GRIK4: variants seen among roughly 807,000 people sequenced by gnomAD.
GRIK4 encodes glutamate ionotropic receptor kainate type subunit 4.
In GRIK4, 40 loss-of-function variants were observed where a neutral mutation model predicts 104.9. The ratio of observed to expected loss-of-function variants is 0.38; its 90% confidence interval spans 0.30 to 0.50. The LOEUF is 0.50. GRIK4 is among the 20% of genes least tolerant of loss of function. The pLI is 0.93. For synonymous variants in GRIK4, 485 were observed against 524.9 expected (o/e 0.92, Z 1.04); for missense variants, 1,047 against 1,308.1 (o/e 0.80, Z 3.08).
chr11:120,718,470 A>C (rs2852227), intron 3 of GRIK4, among the ~76,000 whole-genome samples: 37,072 of 152,022 alleles, frequency 0.24, 5,637 homozygotes, highest in African/African-American at 0.44. Flanking sequence ...TAGACAAGAG[A>C]TTGGTGTCGC....
chr11:120,578,778 CCTGGTTT>C (rs895779568), intron 1 of GRIK4, among the ~76,000 whole-genome samples: 7 of 152,224 alleles, frequency 4.6e-5, no homozygotes, highest in African/African-American at 1.7e-4. Context: ...CCGCCCGGCC[CCTGGTTT>C]CTGGTAACAC....
intron 3 of GRIK4, among the ~76,000 whole-genome samples, chr11:120,722,834 A>G (rs1171925798): frequency 1.3e-5 from 2 of 152,162 alleles, no homozygotes; most frequent in East Asian, 1.9e-4. Flanking sequence ...TGTTCTTTCT[A>G]TAAAGAAGTG....
intron 1 of GRIK4, among the ~76,000 whole-genome samples, chr11:120,612,608 G>C (rs549399624): frequency 1.3e-5 from 2 of 152,300 alleles, no homozygotes; most frequent in East Asian, 3.9e-4. Flanking sequence ...GATTCCCCAT[G>C]ACAGGTGGAA....
intron 3 of GRIK4, among the ~76,000 whole-genome samples, chr11:120,722,679 C>A (rs1950955743): frequency 6.6e-6 from 1 of 152,114 alleles, no homozygotes; most frequent in South Asian, 2.1e-4. Context: ...AAGGCTGACT[C>A]CCGACTTGGG....
intron 3 of GRIK4, among the ~76,000 whole-genome samples, chr11:120,709,641 C>T (rs1950690798): frequency 6.6e-6 from 1 of 152,124 alleles, no homozygotes; most frequent in East Asian, 1.9e-4. Flanking sequence ...TATATGACAC[C>T]TCTGACTGTC....
At chr11:120,679,805 G>A (rs1950161198) in intron 3 of GRIK4, among the ~76,000 whole-genome samples, 1 of 152,162 alleles carries the variant, frequency 6.6e-6, no homozygotes, top group Admixed American at 6.5e-5. Context: ...TCAGGGCATG[G>A]GAAGCCTTCA....
chr11:120,723,981 TC>T (rs1270376479), intron 3 of GRIK4, among the ~76,000 whole-genome samples: 120 of 152,208 alleles, frequency 7.9e-4, no homozygotes, highest in South Asian at 7.3e-3. Context: ...TACCCCCTGC[TC>T]TTGGCAACCA....
At chr11:120,621,498 A>G (rs1336364696) in intron 1 of GRIK4, among the ~76,000 whole-genome samples, 1 of 152,220 alleles carries the variant, frequency 6.6e-6, no homozygotes, top group Admixed American at 6.5e-5. Context: ...GACACAAAGA[A>G]GACTTCCCCA....
chr11:120,557,983 A>C (rs1228983224), intron 1 of GRIK4, among the ~76,000 whole-genome samples: 1 of 142,392 alleles, frequency 7.0e-6, no homozygotes, highest in Non-Finnish European at 1.5e-5. Context: ...GGGCCACTGC[A>C]GTCCAGCCTG....
intron 4 of GRIK4, among the ~76,000 whole-genome samples, chr11:120,813,868 A>C (rs1310219946): frequency 6.6e-6 from 1 of 152,212 alleles, no homozygotes; most frequent in East Asian, 1.9e-4. Flanking sequence ...AGTTTTGCAG[A>C]CAAGGATGCA....
intron 13 of GRIK4, among the ~76,000 whole-genome samples, chr11:120,910,611 G>A (rs1187169703): frequency 6.6e-6 from 1 of 152,222 alleles, no homozygotes; most frequent in African/African-American, 2.4e-5. Flanking sequence ...TGAAGAAGCA[G>A]ATGCCCCAGG....
intron 3 of GRIK4, among the ~76,000 whole-genome samples, chr11:120,798,149 T>G (rs1326685765): frequency 7.0e-6 from 1 of 142,728 alleles, no homozygotes; most frequent in Non-Finnish European, 1.5e-5. Flanking sequence ...GAGTGAGCTC[T>G]GCTGTCTCTT....
At chr11:120,892,836 T>C (rs1955344323) in intron 11 of GRIK4, among the ~76,000 whole-genome samples, 1 of 152,146 alleles carries the variant, frequency 6.6e-6, no homozygotes, top group Non-Finnish European at 1.5e-5. Context: ...ATCAGCCCCC[T>C]TGTCTAGGCT....
At chr11:120,882,899 C>G (rs1216018354) in intron 11 of GRIK4, among the ~76,000 whole-genome samples, 16 of 152,172 alleles carry the variant, frequency 1.1e-4, no homozygotes. Flanking sequence ...ATGCCAGGCT[C>G]TCTCGCATGC....
At chr11:120,666,283 T>C (rs1172122739) in intron 3 of GRIK4, among the ~76,000 whole-genome samples, 1 of 152,118 alleles carries the variant, frequency 6.6e-6, no homozygotes, top group African/African-American at 2.4e-5. Context: ...CAAGCTTGCA[T>C]AGAGGTGAGT....
Position 120,967,140 on chromosome 11 carries a change from A to AT in GRIK4, c.2267-55_2267-54insT. 1 of 1,561,596 alleles carries AT rather than the reference A, an allele frequency of 6.4e-7. No individual in the cohort carries two copies. Among genetic ancestry groups the AT allele is most frequent in the Non-Finnish European group, 8.7e-7 (1 of 1,150,800 alleles). On this transcript the variant is annotated intron_variant, in intron 18 of 20. Transcript: ENST00000527524. This position sits in a 1 kb window ranked among gnomAD's most constrained non-coding sequence, Gnocchi z 4.2. Reference sequence around the variant, plus strand: ...GTGTGCCGGGAAGGGGAGCAGAGTGACACCTAACAGGGCATTCACAACCTG... The same window carrying AT: ...GTGTGCCGGGAAGGGGAGCAGAGTGATCACCTAACAGGGCATTCACAACCTG...
chr11:120,829,296 G>A (rs922938838), intron 6 of GRIK4, among the ~76,000 whole-genome samples: 2 of 152,132 alleles, frequency 1.3e-5, no homozygotes, highest in Admixed American at 1.3e-4. Flanking sequence ...CCAGGTAGGA[G>A]TTAGCTTTTC....
At chr11:120,928,982 TGTGTGTGCGC>T (rs1461683598) in intron 13 of GRIK4, among the ~76,000 whole-genome samples, 2 of 143,786 alleles carry the variant, frequency 1.4e-5, no homozygotes, top group Non-Finnish European at 3.1e-5. Flanking sequence ...TGTGTGTGTG[TGTGTGTGCGC>T]GCGTGCACGC....
At chr11:120,826,366 G>C (rs1953259316) in intron 6 of GRIK4, among the ~76,000 whole-genome samples, 1 of 152,034 alleles carries the variant, frequency 6.6e-6, no homozygotes, top group Admixed American at 6.6e-5. Context: ...TTGGATCCTG[G>C]CCTGTCCCGG....
Sources: gnomAD v4.1 joint callset for allele counts (sites outside exome capture counted in the v4.1 genomes callset) on GRCh38, gnomAD v4.1.1 for gene constraint, Gnocchi (gnomAD v3.1) non-coding constraint, MANE v1.5 for transcripts, NCBI Gene and HGNC (gene_info 2026-07-23, HGNC 2026-07-21) for gene names.